The following ZFX variants were observed in gnomAD, a reference collection of about 807,000 sequenced individuals.
The protein encoded by ZFX is zinc finger X-chromosomal protein.
For missense variants in ZFX, 362 were observed against 628.3 expected, an observed-to-expected ratio of 0.58 and a Z score of 4.53; for synonymous variants, 196 against 226.8, an observed-to-expected ratio of 0.86 and a Z score of 1.22.
At chrX:24,209,376 A>C (rs909231337) in intron 9 of ZFX, among the ~76,000 whole-genome samples, 2 of 112,320 alleles carry the variant, frequency 1.8e-5, no homozygotes, top group East Asian at 5.5e-4. Context: ...AGCATAAAGC[A>C]GGCATAATTT....
chrX:24,211,645 A>G lies in ZFX; in HGVS notation c.*269A>G, dbSNP rs1028749382. The G allele has an allele frequency of 3.4e-5, 10 of 293,260 alleles. No homozygotes were observed. The highest frequency in any genetic ancestry group is 1.0e-3 in the Middle Eastern group (1 of 996). The allele number at this position is 293,260 out of a possible 1,213,427, so 24.2% of individuals were successfully genotyped here. On this transcript the variant is annotated 3_prime_UTR_variant, in exon 10 of 10. Coordinates refer to ENST00000304543, the MANE Select transcript of ZFX (RefSeq NM_003410.4). ...ATCCCTGATTCTATACCGAAGTTTT[A>G]TATCTTAGAATTTTATATTTATTTA...
chrX:24,183,378 G>T (rs2147732625), intron 5 of ZFX, among the ~76,000 whole-genome samples: 1 of 111,530 alleles, frequency 9.0e-6, no homozygotes, highest in East Asian at 2.8e-4. Flanking sequence ...TAGAGACGGG[G>T]TTTCACCATG....
intron 8 of ZFX, 71 bp downstream of exon 8, chrX:24,208,441 T>C: frequency 2.6e-6 from 3 of 1,152,823 alleles, no homozygotes; most frequent in Non-Finnish European, 3.5e-6. Context: ...TGAAAAATGG[T>C]TTCTGTGGTC....
intron 3 of ZFX, among the ~76,000 whole-genome samples, chrX:24,164,218 C>G (rs147946648): frequency 9.0e-6 from 1 of 110,592 alleles, no homozygotes; most frequent in Non-Finnish European, 1.9e-5. Context: ...GAGAAGCAGG[C>G]GTATTTCAAA....
chrX:24,167,465 G>A (rs765987357), intron 3 of ZFX, among the ~76,000 whole-genome samples: 1 of 111,707 alleles, frequency 9.0e-6, no homozygotes, highest in Non-Finnish European at 1.9e-5. Flanking sequence ...CAGTTTAAAA[G>A]AGAGGCACCA....
chrX:24,149,910 G>C (rs1290238929), intron 1 of ZFX, 116 bp downstream of exon 1: 1 of 108,751 alleles, frequency 9.2e-6, no homozygotes, highest in Non-Finnish European at 1.9e-5. Flanking sequence ...GGCGTGGCGC[G>C]CGGCGCCGAG....
intron 5 of ZFX, among the ~76,000 whole-genome samples, chrX:24,187,304 C>T (rs1936197452): frequency 9.0e-6 from 1 of 110,964 alleles, no homozygotes; most frequent in African/African-American, 3.3e-5. Flanking sequence ...TCTTATTGGC[C>T]CCCCCTTTCT....
At chrX:24,149,041 C>T (rs1034736469), upstream of ZFX, 17 of 111,121 alleles carry the variant, frequency 1.5e-4, no homozygotes, top group African/African-American at 4.9e-4. Flanking sequence ...ACTCCACCCC[C>T]CTTCCCGCAC....
In ZFX at chrX:24,210,638, G is replaced by A. The variant is rs752927326; in HGVS notation, c.1680G>A (p.Pro560=). Residue 560 remains proline (P), a synonymous_variant, in exon 10 of 10, where the codon CCG becomes CCA. Transcript: ENST00000304543. The part of the protein sequence containing the change: ...CVECGKGFRH[P]SELKKHMRIH... The stretch of plus-strand genomic sequence containing the variant: ...AGTGTGGTAAGGGTTTTCGTCACCC[G>A]TCAGAGCTCAAAAAGCACATGAGAA... The A allele has an allele frequency of 2.5e-6, 3 of 1,211,647 alleles. No individual in the cohort carries two copies. Among genetic ancestry groups the A allele is most frequent in the Non-Finnish European group, 2.2e-6 (2 of 895,566 alleles).
chrX:24,190,185 T>A (rs938946041), intron 5 of ZFX, among the ~76,000 whole-genome samples: 2 of 111,791 alleles, frequency 1.8e-5, no homozygotes, highest in African/African-American at 6.5e-5. Context: ...TGAAGCTAAT[T>A]AACGTATATT....
Position 24,208,317 on chromosome X carries a change from T to C in ZFX, c.1040T>C (p.Met347Thr), listed in dbSNP as rs1569169439. Residue 347 changes from methionine (M) to threonine (T), a missense_variant, in exon 8 of 10, where the codon ATG (methionine) becomes ACG (threonine). Physicochemically the swap from Met to Thr is moderately conservative, Grantham distance 81. Coordinates refer to ENST00000304543, the MANE Select transcript of ZFX (RefSeq NM_003410.4). ...GCCGCCGCCGTGCACGAGCAGCAAA[T>C]GGATGACAATGAAATCAAAACCTTC... is the stretch of plus-strand genomic sequence containing the variant. ...AAAAAVHEQQ[M>T]DDNEIKTFMP... is the part of the protein sequence containing the mutation. 1.7e-6 allele frequency: 2 copies of C among 1,209,524 alleles called. No individual in the cohort carries two copies. The highest frequency in any genetic ancestry group is 2.2e-6 in the Non-Finnish European group (2 of 894,956).
At chrX:24,187,858 TATAGAA>T (rs1375309025) in intron 5 of ZFX, among the ~76,000 whole-genome samples, 1 of 110,923 alleles carries the variant, frequency 9.0e-6, no homozygotes, top group Non-Finnish European at 1.9e-5. Flanking sequence ...TGTAAATAGA[TATAGAA>T]AGTACTTTAG....
chrX:24,168,085 GGGGGAAAAA>G (rs1386981433), intron 3 of ZFX, among the ~76,000 whole-genome samples: 2 of 112,072 alleles, frequency 1.8e-5, no homozygotes, highest in Non-Finnish European at 3.8e-5. Flanking sequence ...TGAACAACAT[GGGGGAAAAA>G]TTAGGAAAGA....
In ZFX at chrX:24,151,781, T is replaced by G. The variant is rs1399352732; in HGVS notation, c.-159T>G. 1 of 111,934 alleles carries G rather than the reference T, an allele frequency of 8.9e-6. No homozygotes were observed. Among genetic ancestry groups the G allele is most frequent in the Non-Finnish European group, 1.9e-5 (1 of 53,211 alleles). The allele number at this position is 111,934 out of a possible 1,213,427, so 9.2% of individuals were successfully genotyped here. ...CTGCCCGCCTGTCACTGCCGTCTGTTCCCTGAGCTGTGCTTTACGGTACTT... is the reference window on the plus strand; with the variant it reads ...CTGCCCGCCTGTCACTGCCGTCTGTGCCCTGAGCTGTGCTTTACGGTACTT... On this transcript the variant is annotated 5_prime_UTR_variant, in exon 2 of 10. Coordinates refer to ENST00000304543, the MANE Select transcript of ZFX (RefSeq NM_003410.4).
chrX:24,194,498 G>A (rs904006228), intron 5 of ZFX, among the ~76,000 whole-genome samples: 7 of 111,132 alleles, frequency 6.3e-5, no homozygotes, highest in African/African-American at 9.8e-5. Context: ...GCCCTGTGAT[G>A]GTTCCTGCCT....
At chrX:24,159,893 A>G (rs189402791) in intron 3 of ZFX, among the ~76,000 whole-genome samples, 2 of 112,083 alleles carry the variant, frequency 1.8e-5, no homozygotes, top group African/African-American at 6.5e-5. Flanking sequence ...TTTCATGATG[A>G]TAAGTCTTGT....
chrX:24,198,666 G>T (rs1200095738), intron 5 of ZFX, among the ~76,000 whole-genome samples: 1 of 111,042 alleles, frequency 9.0e-6, no homozygotes. Flanking sequence ...TTCCCTTATA[G>T]ACATTACATT....
In ZFX at chrX:24,214,912, T is replaced by C. The variant is rs1462809015; in HGVS notation, c.*3536T>C. The C allele has an allele frequency of 9.0e-6, 1 of 111,581 alleles. No homozygotes were observed. Among genetic ancestry groups the C allele is most frequent in the Non-Finnish European group, 1.9e-5 (1 of 53,156 alleles). 9.2% of individuals were successfully genotyped at this position (111,581 alleles called of 1,213,427 possible). Reference sequence around the variant, plus strand: ...GCGCCCAGTTTAGAGGACTAGTAGATGCTAACATACTAGGGAATGGTCATT... The same window carrying C: ...GCGCCCAGTTTAGAGGACTAGTAGACGCTAACATACTAGGGAATGGTCATT... On this transcript the variant is annotated 3_prime_UTR_variant, in exon 10 of 10. Coordinates refer to ENST00000304543, the MANE Select transcript of ZFX (RefSeq NM_003410.4).
chrX:24,152,653 T>G (rs1174311728), intron 2 of ZFX, 67 bp from the exon 3 acceptor site: 2 of 111,991 alleles, frequency 1.8e-5, no homozygotes, highest in Non-Finnish European at 3.8e-5. Flanking sequence ...GAAGGCGGGC[T>G]GTGGTTGTTG....
Sources: gnomAD v4.1 joint callset for allele counts (sites outside exome capture counted in the v4.1 genomes callset) on GRCh38, gnomAD v4.1.1 for gene constraint, MANE v1.5 for transcripts, NCBI Gene and HGNC (gene_info 2026-07-23, HGNC 2026-07-21) for gene names.